The following BPTF variants were observed in gnomAD, a reference collection of about 807,000 sequenced individuals.
BPTF encodes the protein nucleosome-remodeling factor subunit BPTF.
A neutral mutation model predicts 292.5 loss-of-function variants in BPTF; 18 were observed. The ratio of observed to expected loss-of-function variants is 0.06; its 90% confidence interval spans 0.04 to 0.09. BPTF has a LOEUF of 0.09. BPTF is among the 10% of genes least tolerant of loss of function. The probability of loss-of-function intolerance (pLI) is 1.00; values close to 1 mark genes in which losing one functional copy is unlikely to be tolerated. For missense variants in BPTF, 2,726 were observed against 3,498.7 expected, an observed-to-expected ratio of 0.78 and a Z score of 5.57; for synonymous variants, 1,225 against 1,251.9, an observed-to-expected ratio of 0.98 and a Z score of 0.45.
chr17:67,981,566 T>G (rs7502707), intron 27 of BPTF: 152,137 of 1,066,616 alleles, frequency 0.14, 11,817 homozygotes, highest in Admixed American at 0.17. Context: ...GTTAATATAA[T>G]TTTTTAATGT....
intron 26 of BPTF, among the ~76,000 whole-genome samples, chr17:67,973,055 T>C (rs1223075012): frequency 2.1e-5 from 3 of 144,474 alleles, no homozygotes; most frequent in African/African-American, 7.6e-5. Flanking sequence ...ATATATATTT[T>C]ATATATATAT....
chr17:67,882,246 G>A (rs1035609693), intron 4 of BPTF, among the ~76,000 whole-genome samples: 1 of 152,096 alleles, frequency 6.6e-6, no homozygotes, highest in African/African-American at 2.4e-5. Context: ...CTTTTAATGG[G>A]AAATGATATT....
intron 27 of BPTF, among the ~76,000 whole-genome samples, chr17:67,977,341 C>A (rs1223284576): frequency 1.3e-5 from 2 of 151,846 alleles, no homozygotes; most frequent in African/African-American, 4.8e-5. Context: ...ATGGCAAAAC[C>A]CCATCTCTCC....
chr17:67,978,417 G>C (rs1409494988), intron 27 of BPTF, among the ~76,000 whole-genome samples: 1 of 151,720 alleles, frequency 6.6e-6, no homozygotes, highest in Non-Finnish European at 1.5e-5. Context: ...TGCTGCCTCA[G>C]CCTCCCAAGT....
intron 9 of BPTF, among the ~76,000 whole-genome samples, chr17:67,907,833 T>C (rs1257285819): frequency 1.3e-5 from 2 of 152,194 alleles, no homozygotes; most frequent in African/African-American, 4.8e-5. Flanking sequence ...ATTAACAAAT[T>C]AATAATCTGA....
chr17:67,981,941 T>C (rs1168115201), intron 27 of BPTF, among the ~76,000 whole-genome samples: 1 of 147,894 alleles, frequency 6.8e-6, no homozygotes, highest in African/African-American at 2.5e-5. Flanking sequence ...TAAATGCCTC[T>C]ATTTGTCCAG....
intron 17 of BPTF, among the ~76,000 whole-genome samples, chr17:67,929,788 GA>G: frequency 6.6e-6 from 1 of 152,318 alleles, no homozygotes; most frequent in Admixed American, 6.5e-5. Flanking sequence ...ACCACCCACG[GA>G]AGTGTGCTGT....
At chr17:67,947,982 G>C in intron 22 of BPTF, 99 bp from the exon 23 acceptor site, 1 of 1,333,824 alleles carries the variant, frequency 7.5e-7, no homozygotes, top group Non-Finnish European at 1.0e-6. Flanking sequence ...TCCAGTCACA[G>C]AAAGTTTTTG....
intron 3 of BPTF, among the ~76,000 whole-genome samples, chr17:67,869,658 A>G (rs1420193802): frequency 1.3e-5 from 2 of 152,008 alleles, no homozygotes; most frequent in East Asian, 1.9e-4. Flanking sequence ...TATATAGTTC[A>G]GTATGATTCA....
chr17:67,835,867 A>G (rs967640870), intron 1 of BPTF, among the ~76,000 whole-genome samples: 9 of 151,956 alleles, frequency 5.9e-5, no homozygotes, highest in Admixed American at 6.6e-5. Flanking sequence ...GGGTTTCACC[A>G]TGGTAGCCAG....
In BPTF at chr17:67,911,035, T is replaced by A. The variant is rs2146910220; in HGVS notation, c.3151T>A (p.Tyr1051Asn). The A allele has an allele frequency of 6.2e-7, 1 of 1,607,934 alleles. No homozygotes were observed. Among genetic ancestry groups the A allele is most frequent in the South Asian group, 1.1e-5 (1 of 90,860 alleles). Reference sequence around the variant, plus strand: ...TGAGGGTTTTCATCTAAGGACTAGTTACAAAAAGAAAACAAAATCATCCAA... The same window carrying A: ...TGAGGGTTTTCATCTAAGGACTAGTAACAAAAAGAAAACAAAATCATCCAA... ...VSEGFHLRTS[Y>N]KKKTKSSKLD... The change falls in exon 11 of 28, where the codon TAC becomes AAC. Residue 1051 changes from tyrosine (Y) to asparagine (N), a missense_variant. This residue lies in a region of BPTF where 713 missense variants were observed against 714.9 expected (regional missense o/e 1.00). Coordinates refer to ENST00000306378, the MANE Select transcript of BPTF (RefSeq NM_182641.4).
chr17:67,894,747 C>T (rs2061335277), intron 7 of BPTF, among the ~76,000 whole-genome samples: 1 of 152,104 alleles, frequency 6.6e-6, no homozygotes, highest in Non-Finnish European at 1.5e-5. Flanking sequence ...AAAGAGCACT[C>T]ACATTTTTTA....
intron 20 of BPTF, 131 bp downstream of exon 20, chr17:67,944,503 A>G: frequency 3.0e-6 from 3 of 994,892 alleles, no homozygotes; most frequent in Non-Finnish European, 4.4e-6. Context: ...AACAGTTGAC[A>G]TAGTCAGCCT....
rs1368696985 is a variant in BPTF at position 67,952,560 on chromosome 17, G to A, written c.7926+4254G>A. ...TTCCAGGCGTGAGCCACCACGCCCA[G>A]CCAATAGGCTTAATTTTTTAGAGCA... On this transcript the variant is annotated intron_variant, in intron 23 of 27. Transcript: ENST00000306378. Among the ~76,000 whole-genome samples, 3 of 152,268 alleles carry A rather than the reference G, an allele frequency of 2.0e-5. No individual in the cohort carries two copies. In the East Asian group the frequency reaches 5.8e-4, roughly 29 times the overall value.
intron 1 of BPTF, among the ~76,000 whole-genome samples, chr17:67,837,442 C>G (rs899374191): frequency 7.9e-5 from 12 of 151,168 alleles, no homozygotes; most frequent in African/African-American, 2.7e-4. Flanking sequence ...GAGTCTTGCT[C>G]TGTCGCCCAG....
Position 67,826,015 on chromosome 17 carries a change from CGGGGGCGGCAGGACG to C in BPTF, c.300_314del (p.Arg101_Gly105del), listed in dbSNP as rs2055976823. 2.0e-5 allele frequency: 12 copies of C among 599,150 alleles called. No individual in the cohort carries two copies. The highest frequency in any genetic ancestry group is 8.0e-5 in the South Asian group (1 of 12,542). 37.1% of individuals were successfully genotyped at this position (599,150 alleles called of 1,614,324 possible). Reference sequence around the variant, plus strand: ...CCCCGGGCCGGGGGGGGCGAGGAGGCGGGGGCGGCAGGACGGGGGGCGGGGGCGGCGGCGGCCACC... The same window carrying C: ...CCCCGGGCCGGGGGGGGCGAGGAGGCGGGGGCGGGGGCGGCGGCGGCCACC... On this transcript the variant is annotated inframe_deletion, in exon 1 of 28. Coordinates refer to ENST00000306378, the MANE Select transcript of BPTF (RefSeq NM_182641.4).
intron 26 of BPTF, among the ~76,000 whole-genome samples, chr17:67,968,997 A>G (rs2068455628): frequency 6.6e-6 from 1 of 150,848 alleles, no homozygotes; most frequent in Non-Finnish European, 1.5e-5. Context: ...AATAAAAAAT[A>G]AACAAAATAA....
At chr17:67,904,575 T>C (rs2062054409) in intron 8 of BPTF, 127 bp from the exon 9 acceptor site, 2 of 675,170 alleles carry the variant, frequency 3.0e-6, no homozygotes, top group South Asian at 8.4e-5. Context: ...TGGAAAAACC[T>C]GGGGATGATT....
Position 67,947,921 on chromosome 17 carries a change from C to CA in BPTF, c.7700+114dup, listed in dbSNP as rs1229452762. The CA allele has an allele frequency of 1.5e-5, 19 of 1,238,074 alleles. No homozygotes were observed. In the East Asian group the frequency reaches 4.4e-4, roughly 29 times the overall value. 76.7% of individuals were successfully genotyped at this position (1,238,074 alleles called of 1,614,324 possible). ...TTGATTGAAGTTCATTAAATGAGAACACTTGGCACTAATAGTTACTCATAA... is the reference window on the plus strand; with the variant it reads ...TTGATTGAAGTTCATTAAATGAGAACAACTTGGCACTAATAGTTACTCATAA... On this transcript the variant is annotated intron_variant, in intron 22 of 27. Coordinates refer to ENST00000306378, the MANE Select transcript of BPTF (RefSeq NM_182641.4).
Sources: gnomAD v4.1 joint callset for allele counts (sites outside exome capture counted in the v4.1 genomes callset) on GRCh38, gnomAD v4.1.1 for gene constraint, gnomAD v4.1.1 regional missense constraint, MANE v1.5 for transcripts, NCBI Gene and HGNC (gene_info 2026-07-23, HGNC 2026-07-21) for gene names.